The following ENAM variants were observed in gnomAD, a reference collection of about 807,000 sequenced individuals.
The protein encoded by ENAM is amelogenesis imperfecta 2, hypocalcification (autosomal dominant).
A neutral mutation model predicts 33.6 loss-of-function variants in ENAM; 21 were observed. That is an observed-to-expected ratio of 0.63 (90% CI 0.44 to 0.90). ENAM has a LOEUF of 0.90. ENAM is among the 40% of genes least tolerant of loss of function. The probability of loss-of-function intolerance (pLI) is 0.00; values close to 1 mark genes in which losing one functional copy is unlikely to be tolerated. For missense variants in ENAM, 1,388 were observed against 1,366.9 expected, an observed-to-expected ratio of 1.02 and a Z score of -0.24; for synonymous variants, 473 against 468.4, an observed-to-expected ratio of 1.01 and a Z score of -0.13.
chr4:70,640,597 C>T (rs1478200995), intron 8 of ENAM, among the ~76,000 whole-genome samples: 1 of 152,014 alleles, frequency 6.6e-6, no homozygotes, highest in East Asian at 1.9e-4. Context: ...ATATATAACA[C>T]TTATTAGGCA....
intron 4 of ENAM, among the ~76,000 whole-genome samples, chr4:70,632,294 C>G (rs1738343523): frequency 1.3e-5 from 2 of 152,108 alleles, no homozygotes; most frequent in Non-Finnish European, 2.9e-5. Flanking sequence ...GATGAATCAT[C>G]TTGTCACATA....
Position 70,644,548 on chromosome 4 carries a change from AGAGT to A in ENAM, c.3126_3129del (p.Ser1042ArgfsTer20). 6.2e-7 allele frequency: 1 copy of A among 1,613,910 alleles called. No individual in the cohort carries two copies. The highest frequency in any genetic ancestry group is 8.5e-7 in the Non-Finnish European group (1 of 1,179,822). ...ATCCAAAGTCAAGTCCAAGAAAATG[AGAGT>A]GAGAGGCAACAGCAAAGACCATCTA... On this transcript the variant is annotated frameshift_variant, in exon 9 of 9. Coordinates refer to ENST00000396073, the MANE Select transcript of ENAM (RefSeq NM_031889.3). LOFTEE classifies it low-confidence loss of function (END_TRUNC).
At chr4:70,632,293 T>C (rs891962720) in intron 4 of ENAM, among the ~76,000 whole-genome samples, 4 of 152,174 alleles carry the variant, frequency 2.6e-5, no homozygotes, top group African/African-American at 9.7e-5. Flanking sequence ...AGATGAATCA[T>C]CTTGTCACAT....
At chr4:70,633,856 C>T (rs1738383872) in intron 5 of ENAM, among the ~76,000 whole-genome samples, 1 of 152,146 alleles carries the variant, frequency 6.6e-6, no homozygotes, top group African/African-American at 2.4e-5. Context: ...TTTTTATCCT[C>T]TCTTTTCCTT....
chr4:70,640,865 T>G (rs1331380189), intron 8 of ENAM, among the ~76,000 whole-genome samples: 1 of 152,152 alleles, frequency 6.6e-6, no homozygotes, highest in Non-Finnish European at 1.5e-5. Flanking sequence ...AAGGAGAACT[T>G]TAAATACAAA....
Position 70,644,340 on chromosome 4 carries a change from T to G in ENAM, c.2914T>G (p.Phe972Val). 6.2e-7 allele frequency: 1 copy of G among 1,614,226 alleles called. No individual in the cohort carries two copies. Among genetic ancestry groups the G allele is most frequent in the Non-Finnish European group, 8.5e-7 (1 of 1,180,024 alleles). Reference sequence around the variant, plus strand: ...ACTGGGCCAAAAGGAAATTATGCCCTTTCCTGAAGCCAGTTCCCTTCAATC... The same window carrying G: ...ACTGGGCCAAAAGGAAATTATGCCCGTTCCTGAAGCCAGTTCCCTTCAATC... ...NQLGQKEIMP[F>V]PEASSLQSKN... Residue 972 changes from phenylalanine to valine, a missense_variant, in exon 9 of 9, where the codon TTT becomes GTT. Phe to Val is a conservative substitution (Grantham distance 50). Coordinates refer to ENST00000396073, the MANE Select transcript of ENAM (RefSeq NM_031889.3).
At chr4:70,637,613 G>A (rs1043413066) in intron 7 of ENAM, 177 bp from the exon 8 acceptor site, 2 of 650,692 alleles carry the variant, frequency 3.1e-6, no homozygotes, top group Non-Finnish European at 5.6e-6. Context: ...TTCACTGTTA[G>A]ATCATAATTC....
At chr4:70,637,615 T>G in intron 7 of ENAM, 175 bp from the exon 8 acceptor site, 10 of 655,230 alleles carry the variant, frequency 1.5e-5, no homozygotes, top group Non-Finnish European at 2.8e-5. Flanking sequence ...CACTGTTAGA[T>G]CATAATTCTT....
chr4:70,642,138 C>T lies in ENAM; in HGVS notation c.712C>T (p.Pro238Ser), dbSNP rs868383509. 8 of 1,614,074 alleles carry T rather than the reference C, an allele frequency of 5.0e-6. No homozygotes were observed. The highest frequency in any genetic ancestry group is 4.0e-5 in the African/African-American group (3 of 75,034). The change falls in exon 9 of 9, where the codon CCA (proline) becomes TCA (serine). Residue 238 changes from proline (P) to serine (S), a missense_variant. Pro to Ser is a moderately conservative substitution (Grantham distance 74). Transcript: ENST00000396073. ...KEEDPPKAES[P>S]GTEPTANSTV... ...AGAAGATCCTCCTAAAGCAGAAAGT[C>T]CAGGCACAGAACCCACAGCTAATTC...
intron 6 of ENAM, among the ~76,000 whole-genome samples, chr4:70,635,179 C>G (rs1238854671): frequency 6.6e-6 from 1 of 152,134 alleles, no homozygotes. Flanking sequence ...GAGTTCAAGA[C>G]CAGCCTGGCC....
Position 70,642,109 on chromosome 4 carries a change from A to T in ENAM, c.683A>T (p.Lys228Ile). 6.2e-7 allele frequency: 1 copy of T among 1,614,082 alleles called. No homozygotes were observed. The highest frequency in any genetic ancestry group is 1.1e-5 in the South Asian group (1 of 91,080). The change falls in exon 9 of 9, where the codon AAA (lysine) becomes ATA (isoleucine). Residue 228 changes from lysine (K) to isoleucine (I), a missense_variant. Transcript: ENST00000396073. ...TTTGAACAAGATTTTGAAAAACCCA[A>T]AGAAGAAGATCCTCCTAAAGCAGAA... is the stretch of plus-strand genomic sequence containing the variant. The part of the protein sequence containing the change: ...EMFEQDFEKP[K>I]EEDPPKAESP...
rs1052062162 is a variant in ENAM at position 70,644,820 on chromosome 4, G to A, written c.3394G>A (p.Asp1132Asn). The A allele has an allele frequency of 1.9e-6, 3 of 1,614,128 alleles. No individual in the cohort carries two copies. Among genetic ancestry groups the A allele is most frequent in the Non-Finnish European group, 2.5e-6 (3 of 1,179,990 alleles). ...EFLQRGTNVQ[D>N]QVQDCLLLQA ...CCTTCAAAGAGGGACCAATGTACAG[G>A]ACCAGGTACAAGACTGCTTACTACT... The change falls in exon 9 of 9, where the codon GAC becomes AAC. Residue 1132 changes from aspartate to asparagine, a missense_variant. Physicochemically the swap from Asp to Asn is conservative, Grantham distance 23 (BLOSUM62 1). Coordinates refer to ENST00000396073, the MANE Select transcript of ENAM (RefSeq NM_031889.3).
rs1230602772 is a variant in ENAM, at chr4:70,645,031, C to T, written c.*176C>T. ...CCCAGGTGGAGCTGAGATTAGGCCT[C>T]TGGGGATCACCAGATCTAGCACTTT... On this transcript the variant is annotated 3_prime_UTR_variant, in exon 9 of 9. Coordinates refer to ENST00000396073, the MANE Select transcript of ENAM (RefSeq NM_031889.3). 6 of 640,978 alleles carry T rather than the reference C, an allele frequency of 9.4e-6. No individual in the cohort carries two copies. In the Admixed American group the frequency reaches 1.2e-4, roughly 13 times the overall value. 39.7% of individuals were successfully genotyped at this position (640,978 alleles called of 1,614,324 possible).
In ENAM at chr4:70,645,905, A is replaced by G. The variant is rs1440777242; in HGVS notation, c.*1050A>G. ...CAGCCTAGGGAAAAGGCTTAGGAAGATGGAGAATGAGGAACTGAAGAAACT... is the reference window on the plus strand; with the variant it reads ...CAGCCTAGGGAAAAGGCTTAGGAAGGTGGAGAATGAGGAACTGAAGAAACT... On this transcript the variant is annotated 3_prime_UTR_variant, in exon 9 of 9. Transcript: ENST00000396073. The G allele has an allele frequency of 6.6e-6, 1 of 152,248 alleles. No homozygotes were observed. Among genetic ancestry groups the G allele is most frequent in the African/African-American group, 2.4e-5 (1 of 41,452 alleles). The allele number at this position is 152,248 out of a possible 1,614,324, so 9.4% of individuals were successfully genotyped here.
chr4:70,637,883 A>C (rs1309198377), intron 8 of ENAM, 40 bp downstream of exon 8: 1 of 1,459,638 alleles, frequency 6.9e-7, no homozygotes, highest in Admixed American at 1.7e-5. Flanking sequence ...TAGAAATTAC[A>C]ATCCATTCGC....
intron 1 of ENAM, among the ~76,000 whole-genome samples, chr4:70,629,232 G>A (rs1413277900): frequency 6.6e-5 from 10 of 151,862 alleles, no homozygotes; most frequent in Admixed American, 3.9e-4. Context: ...TGTCAACATC[G>A]CCCTAGAAGT....
At chr4:70,629,609 G>A in intron 2 of ENAM, 55 bp downstream of exon 2, 1 of 1,284,186 alleles carries the variant, frequency 7.8e-7, no homozygotes, top group Non-Finnish European at 1.1e-6. Flanking sequence ...ACTAGATACT[G>A]TCAGAAATAC....
rs764490016 is a variant in ENAM, at chr4:70,634,313, A to G, written c.216A>G (p.Ala72=). ...ATTATTTGCTACCCTTTCAGATGGC[A>G]CACCTGGGGCCCTTCTTTGGAAACG... The part of the protein sequence containing the change: ...QFNFMNGPHM[A]HLGPFFGNGL... The change falls in exon 6 of 9, where the codon GCA becomes GCG. Residue 72 remains alanine, a synonymous_variant. Transcript: ENST00000396073. The G allele has an allele frequency of 1.9e-6, 3 of 1,614,056 alleles. No individual in the cohort carries two copies. Among genetic ancestry groups the G allele is most frequent in the Non-Finnish European group, 2.5e-6 (3 of 1,179,942 alleles).
rs184269229 is a variant in ENAM at position 70,631,123 on chromosome 4, T to A, written c.55-547T>A. Among the ~76,000 whole-genome samples the A allele has an allele frequency of 1.2e-4, 18 of 152,276 alleles. No homozygotes were observed. The East Asian group carries it at 3.5e-3, about 29-fold the overall frequency. On this transcript the variant is annotated intron_variant, in intron 2 of 8. Coordinates refer to ENST00000396073, the MANE Select transcript of ENAM (RefSeq NM_031889.3). ...AGAGGAAACCAGGAAAAAAATAAGA[T>A]TCTGCATATTCCAGTTTACTTAGTC...
Sources: allele counts gnomAD v4.1 joint callset (sites outside exome capture counted in the v4.1 genomes callset), GRCh38; gene constraint gnomAD v4.1.1; transcripts MANE v1.5; gene names NCBI Gene and HGNC (gene_info 2026-07-23, HGNC 2026-07-21).